The following ADAMTS18 variants were observed in gnomAD, a reference collection of about 807,000 sequenced individuals.
ADAMTS18 encodes A disintegrin and metalloproteinase with thrombospondin motifs 18.
A neutral mutation model predicts 165.9 loss-of-function variants in ADAMTS18; 157 were observed. The observed-to-expected ratio is 0.95, with a 90% CI of 0.83 to 1.08. The LOEUF (loss-of-function observed/expected upper bound fraction) is 1.08. Among genes scored for constraint, ADAMTS18 ranks in the 50% least tolerant of loss-of-function variants. The pLI is 0.00. For synonymous variants in ADAMTS18, 782 were observed against 578.2 expected, an observed-to-expected ratio of 1.35 and a Z score of -5.06; for missense variants, 2,040 against 1,534.0, an observed-to-expected ratio of 1.33 and a Z score of -5.51.
intron 8 of ADAMTS18, among the ~76,000 whole-genome samples, chr16:77,357,399 G>T (rs973410981): frequency 6.6e-6 from 1 of 152,148 alleles, no homozygotes; most frequent in African/African-American, 2.4e-5. Context: ...TGTATACTCA[G>T]TGAAAGCATT....
At chr16:77,325,536 A>G (rs540799877) in intron 13 of ADAMTS18, among the ~76,000 whole-genome samples, 1 of 152,174 alleles carries the variant, frequency 6.6e-6, no homozygotes, top group African/African-American at 2.4e-5. Flanking sequence ...TTTGGTCTGG[A>G]CAGTTCATAC....
At chr16:77,364,419 A>G (rs1249131259) in intron 4 of ADAMTS18, 38 bp from the exon 5 acceptor site, 1 of 1,596,800 alleles carries the variant, frequency 6.3e-7, no homozygotes, top group Non-Finnish European at 8.6e-7. Context: ...GGGATATTAG[A>G]GAATATCTGG....
chr16:77,322,379 C>T lies in ADAMTS18; in HGVS notation c.2120G>A (p.Cys707Tyr). ...MSGKVKDGTP[C>Y]SPNKNDVCID... ...ACAAACATCATTTTTGTTTGGGGAG[C>T]AGGGAGTTCCATCTTTCACTTTGCC... The change falls in exon 14 of 23, where the codon TGC becomes TAC. Residue 707 changes from cysteine (C) to tyrosine (Y), a missense_variant. Physicochemically the swap from Cys to Tyr is radical, Grantham distance 194. Coordinates refer to ENST00000282849, the MANE Select transcript of ADAMTS18 (RefSeq NM_199355.4). 6.2e-7 allele frequency: 1 copy of T among 1,613,920 alleles called. No homozygotes were observed.
chr16:77,393,910 T>A (rs897858875), intron 3 of ADAMTS18, among the ~76,000 whole-genome samples: 11 of 152,210 alleles, frequency 7.2e-5, no homozygotes, highest in Admixed American at 5.2e-4. Flanking sequence ...GAGGAACATA[T>A]CCATCCAGTA....
chr16:77,330,043 A>G (rs1038675175), intron 12 of ADAMTS18, among the ~76,000 whole-genome samples: 27 of 152,134 alleles, frequency 1.8e-4, no homozygotes, highest in African/African-American at 6.5e-4. Context: ...ACCTCCACCC[A>G]CTTTCTCAAT....
chr16:77,427,913 AT>A (rs1375136009), intron 3 of ADAMTS18, among the ~76,000 whole-genome samples: 1 of 152,246 alleles, frequency 6.6e-6, no homozygotes, highest in African/African-American at 2.4e-5. Context: ...ATGTCTGCTT[AT>A]ATGTATGTAC....
chr16:77,392,036 A>G (rs1300364643), intron 3 of ADAMTS18, among the ~76,000 whole-genome samples: 1 of 151,926 alleles, frequency 6.6e-6, no homozygotes, highest in African/African-American at 2.4e-5. Flanking sequence ...CACATTGAAG[A>G]CGCCCAGTCA....
At chr16:77,340,305 G>C (rs1048784220) in intron 11 of ADAMTS18, among the ~76,000 whole-genome samples, 1 of 152,120 alleles carries the variant, frequency 6.6e-6, no homozygotes, top group Non-Finnish European at 1.5e-5. Context: ...CTCCCAAGTA[G>C]CTGGGATTTC....
At chr16:77,387,738 A>C (rs1597210894) in intron 3 of ADAMTS18, among the ~76,000 whole-genome samples, 1 of 152,168 alleles carries the variant, frequency 6.6e-6, no homozygotes, top group Non-Finnish European at 1.5e-5. Context: ...TGATTCTCCA[A>C]CCATAGCTAA....
intron 22 of ADAMTS18, among the ~76,000 whole-genome samples, chr16:77,288,885 G>A (rs2055307151): frequency 6.6e-6 from 1 of 152,150 alleles, no homozygotes; most frequent in South Asian, 2.1e-4. Flanking sequence ...AGGAGTTCGA[G>A]ATCAGCCTGG....
intron 3 of ADAMTS18, among the ~76,000 whole-genome samples, chr16:77,394,231 T>C (rs1220178123): frequency 6.6e-6 from 1 of 152,222 alleles, no homozygotes; most frequent in African/African-American, 2.4e-5. Context: ...CATTTAAGTG[T>C]GTTTGTTTAT....
chr16:77,333,150 T>C (rs988605291), intron 12 of ADAMTS18, among the ~76,000 whole-genome samples: 1 of 152,178 alleles, frequency 6.6e-6, no homozygotes, highest in South Asian at 2.1e-4. Flanking sequence ...CCGTAGAGAA[T>C]GACTCCTCTG....
At chr16:77,391,273 C>T (rs139197459) in intron 3 of ADAMTS18, among the ~76,000 whole-genome samples, 2,711 of 152,208 alleles carry the variant, frequency 0.018, 76 homozygotes, top group African/African-American at 0.062. Flanking sequence ...GAGGCCAAAG[C>T]GGGCAGATCA....
intron 3 of ADAMTS18, among the ~76,000 whole-genome samples, chr16:77,410,629 G>A (rs1461631209): frequency 6.6e-6 from 1 of 152,162 alleles, no homozygotes; most frequent in Non-Finnish European, 1.5e-5. Context: ...CTAAAACCAA[G>A]TCTCTCGACC....
At chr16:77,285,332 C>G (rs1195379003) in intron 22 of ADAMTS18, among the ~76,000 whole-genome samples, 1 of 152,088 alleles carries the variant, frequency 6.6e-6, no homozygotes, top group Non-Finnish European at 1.5e-5. Flanking sequence ...ACCACCACGC[C>G]CAGTTAATTT....
intron 10 of ADAMTS18, among the ~76,000 whole-genome samples, chr16:77,353,204 G>C (rs984118166): frequency 6.6e-6 from 1 of 152,042 alleles, no homozygotes; most frequent in African/African-American, 2.4e-5. Context: ...CTATAACCTG[G>C]ACTTTTGTAC....
chr16:77,310,820 G>A (rs1028870018), intron 16 of ADAMTS18, among the ~76,000 whole-genome samples: 1 of 151,926 alleles, frequency 6.6e-6, no homozygotes, highest in Non-Finnish European at 1.5e-5. Context: ...GGAGACGGGG[G>A]TTTTTTCATG....
chr16:77,289,919 T>A (rs1395774932), intron 21 of ADAMTS18, among the ~76,000 whole-genome samples: 1 of 152,196 alleles, frequency 6.6e-6, no homozygotes, highest in Non-Finnish European at 1.5e-5. Flanking sequence ...GAGTCGCTGA[T>A]TTCAGTGTGC....
At chr16:77,432,932 T>A (rs1487827510) in intron 2 of ADAMTS18, among the ~76,000 whole-genome samples, 1 of 152,212 alleles carries the variant, frequency 6.6e-6, no homozygotes, top group African/African-American at 2.4e-5. Flanking sequence ...AGCTTTCATT[T>A]TTATATTCTT....
Sources: gnomAD v4.1 joint callset for allele counts (sites outside exome capture counted in the v4.1 genomes callset) on GRCh38, gnomAD v4.1.1 for gene constraint, MANE v1.5 for transcripts, NCBI Gene and HGNC (gene_info 2026-07-23, HGNC 2026-07-21) for gene names.